The following PRKN variants were observed in gnomAD, a reference collection of about 807,000 sequenced individuals.
The protein encoded by PRKN is E3 ubiquitin-protein ligase parkin.
A neutral mutation model predicts 59.5 loss-of-function variants in PRKN; 56 were observed. The observed-to-expected ratio is 0.94, with a 90% CI of 0.76 to 1.18. The LOEUF (loss-of-function observed/expected upper bound fraction) is 1.18, where lower values mean the gene tolerates loss of function less well. Ranked by LOEUF, PRKN falls within the 50% of genes most tolerant of loss-of-function variation. PRKN has a pLI of 0.00. For missense variants in PRKN, 657 were observed against 596.4 expected (o/e 1.10, Z -1.06); for synonymous variants, 250 against 222.1 (o/e 1.13, Z -1.12).
At chr6:162,412,989 T>C (rs1309174756) in intron 2 of PRKN, among the ~76,000 whole-genome samples, 2 of 152,190 alleles carry the variant, frequency 1.3e-5, no homozygotes, top group African/African-American at 2.4e-5. Flanking sequence ...TCTGGCAATG[T>C]ATTGTGATAT....
At chr6:162,234,276 C>G (rs1181482220) in intron 3 of PRKN, among the ~76,000 whole-genome samples, 1 of 152,094 alleles carries the variant, frequency 6.6e-6, no homozygotes. Context: ...GGTGGGGAGA[C>G]AGAACTGAGG....
At chr6:162,279,401 C>T (rs970504291) in intron 2 of PRKN, among the ~76,000 whole-genome samples, 2 of 133,134 alleles carry the variant, frequency 1.5e-5, no homozygotes, top group African/African-American at 5.6e-5. Flanking sequence ...GAAAGAAAGA[C>T]AGAAAAAGAA....
intron 2 of PRKN, among the ~76,000 whole-genome samples, chr6:162,320,362 C>CAAAAAAAAAAAAAAAAAAAAAACA (rs1782947383): frequency 1.4e-4 from 1 of 7,296 alleles, no homozygotes; most frequent in Non-Finnish European, 2.5e-4. Flanking sequence ...TACAAAAAGC[C>CAAAAAAAAAAAAAAAAAAAAAACA]AAAAAAAAAA....
At chr6:162,515,791 G>A (rs117703342) in intron 1 of PRKN, among the ~76,000 whole-genome samples, 1,530 of 151,970 alleles carry the variant, frequency 0.01, 13 homozygotes, top group Non-Finnish European at 0.017. Flanking sequence ...AACTCTCTGG[G>A]AGCCCTTGAC....
intron 6 of PRKN, among the ~76,000 whole-genome samples, chr6:161,941,581 G>C (rs1779569047): frequency 6.6e-6 from 1 of 152,194 alleles, no homozygotes; most frequent in African/African-American, 2.4e-5. Context: ...TTTGTGATAA[G>C]GCAGGGGTCT....
intron 7 of PRKN, among the ~76,000 whole-genome samples, chr6:161,777,493 T>C (rs1268472588): frequency 2.6e-5 from 4 of 151,636 alleles, no homozygotes; most frequent in East Asian, 1.9e-4. Flanking sequence ...AACTAGACGA[T>C]GGAAACAGAA....
At chr6:162,281,856 A>G (rs1780925901) in intron 2 of PRKN, among the ~76,000 whole-genome samples, 1 of 152,182 alleles carries the variant, frequency 6.6e-6, no homozygotes, top group East Asian at 1.9e-4. Context: ...TTTGTGGAAG[A>G]CAATATTTCC....
chr6:161,994,671 A>G (rs1781773915), intron 5 of PRKN, among the ~76,000 whole-genome samples: 1 of 152,120 alleles, frequency 6.6e-6, no homozygotes, highest in African/African-American at 2.4e-5. Context: ...TATACCAATA[A>G]CAAACTAATT....
chr6:162,431,076 G>A (rs1789499281), intron 2 of PRKN, among the ~76,000 whole-genome samples: 1 of 151,930 alleles, frequency 6.6e-6, no homozygotes, highest in South Asian at 2.1e-4. Flanking sequence ...AAAAAAACAG[G>A]GCTGGCAGGT....
intron 1 of PRKN, among the ~76,000 whole-genome samples, chr6:162,505,579 G>A (rs1025909876): frequency 5.3e-5 from 8 of 152,094 alleles, no homozygotes; most frequent in African/African-American, 1.9e-4. Context: ...GTGTCCACAT[G>A]GATAAGCTTC....
intron 1 of PRKN, among the ~76,000 whole-genome samples, chr6:162,633,710 T>TA (rs1777604154): frequency 6.6e-6 from 1 of 151,862 alleles, no homozygotes; most frequent in Non-Finnish European, 1.5e-5. Context: ...CGTGGGACCC[T>TA]GAATGTGCCT....
chr6:162,301,385 T>C (rs910133724), intron 2 of PRKN, among the ~76,000 whole-genome samples: 1 of 152,122 alleles, frequency 6.6e-6, no homozygotes, highest in Admixed American at 6.6e-5. Flanking sequence ...CTCCTAAATA[T>C]ATGTCTGTTC....
chr6:162,560,377 C>T (rs1779785444), intron 1 of PRKN, among the ~76,000 whole-genome samples: 1 of 152,114 alleles, frequency 6.6e-6, no homozygotes, highest in African/African-American at 2.4e-5. Context: ...TTATAACTGT[C>T]AACACATAAC....
chr6:162,015,415 G>C (rs1782898074), intron 5 of PRKN, among the ~76,000 whole-genome samples: 2 of 152,182 alleles, frequency 1.3e-5, no homozygotes, highest in Non-Finnish European at 2.9e-5. Context: ...GGGAAAAGTA[G>C]TATGGCAATC....
In PRKN at chr6:162,323,700, G is replaced by A. The variant is rs147854483; in HGVS notation, c.172-60935C>T. On this transcript the variant is annotated intron_variant, in intron 2 of 11. Coordinates refer to ENST00000366898, the MANE Select transcript of PRKN (RefSeq NM_004562.3). ...GAAACGCAAAATAAAACCACAATGA[G>A]ATACTACTACAAACCTATCAGAATG... Among the ~76,000 whole-genome samples the A allele has an allele frequency of 2.1e-3, 324 of 152,136 alleles. 2 individuals are homozygous for A. Among genetic ancestry groups the A allele is most frequent in the African/African-American group, 7.4e-3 (309 of 41,518 alleles).
chr6:162,320,498 A>G (rs1317350932), intron 2 of PRKN, among the ~76,000 whole-genome samples: 1 of 151,414 alleles, frequency 6.6e-6, no homozygotes, highest in African/African-American at 2.4e-5. Context: ...AGGTAAATGA[A>G]AACATGTGCA....
intron 7 of PRKN, among the ~76,000 whole-genome samples, chr6:161,603,512 G>A (rs993609160): frequency 7.2e-5 from 11 of 152,250 alleles, no homozygotes; most frequent in Non-Finnish European, 1.3e-4. Flanking sequence ...CACTGTTTGC[G>A]CACATAAGCT....
intron 1 of PRKN, among the ~76,000 whole-genome samples, chr6:162,476,369 G>A (rs1792018295): frequency 6.6e-6 from 1 of 152,136 alleles, no homozygotes; most frequent in South Asian, 2.1e-4. Context: ...ACCGCGCCCA[G>A]CCCACTCTTT....
intron 2 of PRKN, among the ~76,000 whole-genome samples, chr6:162,367,770 GA>G (rs1223626825): frequency 6.6e-6 from 1 of 151,856 alleles, no homozygotes; most frequent in African/African-American, 2.4e-5. Context: ...AGCAGAAAGA[GA>G]AAAAAAGAAA....
Sources: allele counts gnomAD v4.1 joint callset (sites outside exome capture counted in the v4.1 genomes callset), GRCh38; gene constraint gnomAD v4.1.1; transcripts MANE v1.5; gene names NCBI Gene and HGNC (gene_info 2026-07-23, HGNC 2026-07-21).